IMMP2L: variants seen among roughly 807,000 people sequenced by gnomAD.
IMMP2L encodes mitochondrial inner membrane protease subunit 2.
IMMP2L carries 18 observed loss-of-function variants against 19.3 expected under a neutral mutation model. That is an observed-to-expected ratio of 0.93 (90% CI 0.64 to 1.38). The LOEUF is 1.38. Ranked by LOEUF, IMMP2L falls within the 40% of genes most tolerant of loss-of-function variation. IMMP2L has a pLI of 0.00. For missense variants in IMMP2L, 233 were observed against 218.2 expected (o/e 1.07, Z -0.43); for synonymous variants, 76 against 73.0 (o/e 1.04, Z -0.21).
chr7:111,149,483 T>A (rs1803841936), intron 3 of IMMP2L, among the ~76,000 whole-genome samples: 1 of 152,194 alleles, frequency 6.6e-6, no homozygotes, highest in South Asian at 2.1e-4. Context: ...TACTGTTGAC[T>A]GGAAGTCTTA....
Position 111,123,686 on chromosome 7 carries a change from TG to T in IMMP2L, c.240-160122del. The stretch of plus-strand genomic sequence containing the variant: ...CTGATTTCCATCGATAGTCTTGCTG[TG>T]GATAACCTGCCAGATTTAAGAAAAA... On this transcript the variant is annotated intron_variant, in intron 3 of 5. Coordinates refer to ENST00000405709, the MANE Select transcript of IMMP2L (RefSeq NM_032549.4). The surrounding 1 kb of genome is among the most constrained non-coding windows in gnomAD (Gnocchi z 6.4). 1 of 1,613,962 alleles carries T rather than the reference TG, an allele frequency of 6.2e-7. No individual in the cohort carries two copies. The highest frequency in any genetic ancestry group is 8.5e-7 in the Non-Finnish European group (1 of 1,179,950).
At position 111,123,634 on chromosome 7, in the gene IMMP2L, G is replaced by C; in HGVS notation, c.240-160069C>G. On this transcript the variant is annotated intron_variant, in intron 3 of 5. Coordinates refer to ENST00000405709, the MANE Select transcript of IMMP2L (RefSeq NM_032549.4). The surrounding 1 kb of genome is among the most constrained non-coding windows in gnomAD (Gnocchi z 6.4). ...TTTTAGCAATATGCTACACTTAAAAGAGTTGGGGATAAATAATATGCCTGA... is the reference window on the plus strand; with the variant it reads ...TTTTAGCAATATGCTACACTTAAAACAGTTGGGGATAAATAATATGCCTGA... The C allele has an allele frequency of 4.3e-6, 7 of 1,613,800 alleles. No homozygotes were observed. Among genetic ancestry groups the C allele is most frequent in the Non-Finnish European group, 5.9e-6 (7 of 1,179,892 alleles).
At chr7:110,927,408 G>A (rs1814976810) in intron 4 of IMMP2L, among the ~76,000 whole-genome samples, 1 of 152,126 alleles carries the variant, frequency 6.6e-6, no homozygotes, top group Admixed American at 6.6e-5. Context: ...ATGGCAAAGG[G>A]AAATTAGGGT....
chr7:111,115,179 T>G (rs1799728397), intron 3 of IMMP2L, among the ~76,000 whole-genome samples: 1 of 152,132 alleles, frequency 6.6e-6, no homozygotes, highest in South Asian at 2.1e-4. Flanking sequence ...GCAATCAAAC[T>G]CCATTGGCTC....
At chr7:110,860,304 T>C (rs1807263086) in intron 5 of IMMP2L, among the ~76,000 whole-genome samples, 1 of 152,138 alleles carries the variant, frequency 6.6e-6, no homozygotes, top group Non-Finnish European at 1.5e-5. Context: ...GAATATGCTA[T>C]GACTAGAGTA....
At chr7:111,549,906 A>G in intron 1 of IMMP2L, among the ~76,000 whole-genome samples, 1 of 149,618 alleles carries the variant, frequency 6.7e-6, no homozygotes, top group African/African-American at 2.5e-5. Flanking sequence ...ACGTCATAGC[A>G]CTCCAGCCTG....
At chr7:111,124,767 C>T (rs932254838) in intron 3 of IMMP2L, 2 of 1,613,716 alleles carry the variant, frequency 1.2e-6, no homozygotes, top group African/African-American at 1.3e-5. Context: ...TGAGGAATTA[C>T]TTACAGAAAC....
chr7:110,820,562 A>G (rs1384658026), intron 5 of IMMP2L, among the ~76,000 whole-genome samples: 2 of 145,256 alleles, frequency 1.4e-5, no homozygotes, highest in African/African-American at 4.9e-5. Context: ...GTATTATCTG[A>G]CACACACACA....
intron 3 of IMMP2L, among the ~76,000 whole-genome samples, chr7:110,980,681 A>G (rs1821205944): frequency 6.6e-6 from 1 of 152,166 alleles, no homozygotes; most frequent in Non-Finnish European, 1.5e-5. Context: ...GAAATCAACC[A>G]TTTTTTAAAA....
At chr7:111,430,972 T>C (rs1675142450) in intron 3 of IMMP2L, among the ~76,000 whole-genome samples, 1 of 151,600 alleles carries the variant, frequency 6.6e-6, no homozygotes, top group South Asian at 2.1e-4. Context: ...TCAGACGTGG[T>C]GGTGAGTGCC....
chr7:110,765,761 A>G (rs1222850784), intron 5 of IMMP2L, among the ~76,000 whole-genome samples: 1 of 152,212 alleles, frequency 6.6e-6, no homozygotes, highest in Non-Finnish European at 1.5e-5. Flanking sequence ...TTAGCTTATC[A>G]ATAACCTCAA....
At chr7:111,129,233 A>C (rs2129592915) in intron 3 of IMMP2L, among the ~76,000 whole-genome samples, 1 of 152,208 alleles carries the variant, frequency 6.6e-6, no homozygotes, top group East Asian at 1.9e-4. Flanking sequence ...ATATGTCACC[A>C]TTCACAGTAT....
chr7:110,927,241 TA>T (rs1288463892), intron 4 of IMMP2L, among the ~76,000 whole-genome samples: 1 of 151,938 alleles, frequency 6.6e-6, no homozygotes, highest in African/African-American at 2.4e-5. Context: ...CCAACATATA[TA>T]AGGAGTTCAA....
At chr7:111,404,750 C>A (rs1833773507) in intron 3 of IMMP2L, among the ~76,000 whole-genome samples, 1 of 152,052 alleles carries the variant, frequency 6.6e-6, no homozygotes, top group South Asian at 2.1e-4. Flanking sequence ...CAGTAGCCCA[C>A]AATTCCCTAA....
At chr7:111,116,293 A>T (rs1477997577) in intron 3 of IMMP2L, among the ~76,000 whole-genome samples, 1 of 152,154 alleles carries the variant, frequency 6.6e-6, no homozygotes, top group African/African-American at 2.4e-5. Context: ...CAAGGACATA[A>T]AATAAAATTG....
chr7:111,182,025 T>C (rs1807764862), intron 3 of IMMP2L, among the ~76,000 whole-genome samples: 1 of 151,902 alleles, frequency 6.6e-6, no homozygotes, highest in Non-Finnish European at 1.5e-5. Context: ...GAATTAAGCA[T>C]AAAAAGAAAT....
At chr7:110,838,272 G>C (rs1331795614) in intron 5 of IMMP2L, among the ~76,000 whole-genome samples, 1 of 152,000 alleles carries the variant, frequency 6.6e-6, no homozygotes, top group African/African-American at 2.4e-5. Flanking sequence ...TTGACTTAAT[G>C]CTTTATGAAC....
chr7:110,810,594 C>T (rs1266662509), intron 5 of IMMP2L, among the ~76,000 whole-genome samples: 1 of 151,938 alleles, frequency 6.6e-6, no homozygotes, highest in Non-Finnish European at 1.5e-5. Flanking sequence ...GAATCTTTGC[C>T]ATCAGACCTT....
intron 5 of IMMP2L, among the ~76,000 whole-genome samples, chr7:110,826,541 G>C (rs770684928): frequency 1.5e-4 from 23 of 152,182 alleles, no homozygotes; most frequent in African/African-American, 3.6e-4. Flanking sequence ...TTTGTAGGGA[G>C]ATGGATGAAG....
Sources: gnomAD v4.1 joint callset for allele counts (sites outside exome capture counted in the v4.1 genomes callset) on GRCh38, gnomAD v4.1.1 for gene constraint, Gnocchi (gnomAD v3.1) non-coding constraint, MANE v1.5 for transcripts, NCBI Gene and HGNC (gene_info 2026-07-23, HGNC 2026-07-21) for gene names.